The following PTPRD variants were observed in gnomAD, a reference collection of about 807,000 sequenced individuals.
PTPRD encodes protein tyrosine phosphatase receptor type D.
In PTPRD, 34 loss-of-function variants were observed where a neutral mutation model predicts 214.5. That is an observed-to-expected ratio of 0.16 (90% CI 0.12 to 0.21). The LOEUF (loss-of-function observed/expected upper bound fraction) is 0.21. Ranked by LOEUF, PTPRD falls within the 10% of genes least tolerant of loss-of-function variation. PTPRD has a pLI of 1.00. For synonymous variants in PTPRD, 1,128 were observed against 845.7 expected, an observed-to-expected ratio of 1.33 and a Z score of -5.79; for missense variants, 2,545 against 2,398.7, an observed-to-expected ratio of 1.06 and a Z score of -1.27.
chr9:8,339,396 C>T (rs539059204), intron 42 of PTPRD, among the ~76,000 whole-genome samples: 1 of 152,212 alleles, frequency 6.6e-6, no homozygotes, highest in Non-Finnish European at 1.5e-5. Flanking sequence ...CAATGCTGGC[C>T]ATGACAATAA....
intron 5 of PTPRD, among the ~76,000 whole-genome samples, chr9:9,923,269 T>G (rs1214743363): frequency 1.3e-5 from 2 of 149,538 alleles, no homozygotes; most frequent in Non-Finnish European, 3.0e-5. Flanking sequence ...TCAAATAAAA[T>G]ATTGTAATGA....
At chr9:10,479,287 T>C (rs1015145833) in intron 2 of PTPRD, among the ~76,000 whole-genome samples, 2 of 152,118 alleles carry the variant, frequency 1.3e-5, no homozygotes, top group African/African-American at 4.8e-5. Flanking sequence ...TACTTGTGTG[T>C]CATGTGCAGA....
intron 3 of PTPRD, among the ~76,000 whole-genome samples, chr9:10,219,124 T>A (rs547077750): frequency 6.6e-6 from 1 of 151,790 alleles, no homozygotes; most frequent in Non-Finnish European, 1.5e-5. Flanking sequence ...TAGAAAGGAC[T>A]GACGGGGGAT....
intron 9 of PTPRD, among the ~76,000 whole-genome samples, chr9:9,347,321 AAT>A (rs914411519): frequency 2.5e-4 from 38 of 149,104 alleles, no homozygotes; most frequent in African/African-American, 4.2e-4. Flanking sequence ...TATATATATA[AAT>A]ATATATATAT....
chr9:10,391,478 G>T (rs2098064234), intron 2 of PTPRD, among the ~76,000 whole-genome samples: 1 of 151,772 alleles, frequency 6.6e-6, no homozygotes, highest in Non-Finnish European at 1.5e-5. Context: ...AGGAATGGCT[G>T]ACAGTACTAG....
chr9:8,977,184 C>G (rs2099272566), intron 11 of PTPRD, among the ~76,000 whole-genome samples: 1 of 152,018 alleles, frequency 6.6e-6, no homozygotes, highest in Admixed American at 6.6e-5. Flanking sequence ...AAAATTCGGG[C>G]CTCTATTAGT....
intron 36 of PTPRD, among the ~76,000 whole-genome samples, chr9:8,389,907 A>C (rs890221015): frequency 6.6e-6 from 1 of 152,204 alleles, no homozygotes; most frequent in African/African-American, 2.4e-5. Flanking sequence ...ACAACTCTGC[A>C]GTAAGTCCTG....
chr9:9,927,132 C>T (rs1450080112), intron 5 of PTPRD, among the ~76,000 whole-genome samples: 1 of 152,060 alleles, frequency 6.6e-6, no homozygotes, highest in East Asian at 1.9e-4. Flanking sequence ...TATACTTAAC[C>T]AGTATAAAAT....
At chr9:8,487,325 T>C (rs915616133) in intron 27 of PTPRD, among the ~76,000 whole-genome samples, 2 of 152,230 alleles carry the variant, frequency 1.3e-5, no homozygotes, top group East Asian at 1.9e-4. Flanking sequence ...ACTCATTCAA[T>C]GTATTATTAT....
chr9:8,727,134 C>G (rs1317746481), intron 12 of PTPRD, among the ~76,000 whole-genome samples: 1 of 152,168 alleles, frequency 6.6e-6, no homozygotes, highest in Non-Finnish European at 1.5e-5. Context: ...AATTAGTTCA[C>G]AAATACTGTT....
At chr9:8,847,689 T>C (rs2097725545) in intron 11 of PTPRD, among the ~76,000 whole-genome samples, 1 of 152,138 alleles carries the variant, frequency 6.6e-6, no homozygotes. Flanking sequence ...AAAATCATAA[T>C]CAGAAATAGT....
At chr9:8,722,859 T>C (rs1337346401) in intron 12 of PTPRD, among the ~76,000 whole-genome samples, 9 of 152,226 alleles carry the variant, frequency 5.9e-5, no homozygotes, top group Non-Finnish European at 1.3e-4. Flanking sequence ...TTTGTGCTTT[T>C]ATTTACCAAA....
In PTPRD at chr9:8,803,154, T is replaced by C. The variant is rs116301776; in HGVS notation, c.-103-69208A>G. On this transcript the variant is annotated intron_variant, in intron 11 of 45. Transcript: ENST00000381196. ...ACACAAGATAACGCATGTAAAGCAA[T>C]TGACACATAGTCATCTTATAGCCAA... is the stretch of plus-strand genomic sequence containing the variant. Among the ~76,000 whole-genome samples, 1,058 of 152,290 alleles carry C rather than the reference T, an allele frequency of 6.9e-3. 8 individuals are homozygous for C. Among genetic ancestry groups the C allele is most frequent in the African/African-American group, 0.023 (958 of 41,564 alleles).
chr9:10,401,703 C>T (rs1473230835), intron 2 of PTPRD, among the ~76,000 whole-genome samples: 1 of 149,328 alleles, frequency 6.7e-6, no homozygotes, highest in Non-Finnish European at 1.5e-5. Context: ...AAATGGCATT[C>T]AGATATAAAA....
intron 7 of PTPRD, among the ~76,000 whole-genome samples, chr9:9,602,710 T>A (rs1211714016): frequency 6.6e-6 from 1 of 152,096 alleles, no homozygotes; most frequent in Non-Finnish European, 1.5e-5. Flanking sequence ...GTTTCTCTAG[T>A]GTTACTCTAT....
chr9:8,381,116 T>C (rs1454227050), intron 37 of PTPRD, among the ~76,000 whole-genome samples: 2 of 152,266 alleles, frequency 1.3e-5, no homozygotes, highest in African/African-American at 4.8e-5. Context: ...TAAAAGTGAC[T>C]CTAAATTCGT....
intron 14 of PTPRD, among the ~76,000 whole-genome samples, chr9:8,554,045 G>A (rs1006803632): frequency 3.9e-5 from 6 of 152,058 alleles, no homozygotes; most frequent in Admixed American, 2.0e-4. Context: ...AAAATTAGCC[G>A]GGCGTGGTAT....
At chr9:8,931,789 G>A (rs1292934795) in intron 11 of PTPRD, among the ~76,000 whole-genome samples, 1 of 152,028 alleles carries the variant, frequency 6.6e-6, no homozygotes, top group Non-Finnish European at 1.5e-5. Flanking sequence ...GAATCTGTCT[G>A]GTCCTGGTTT....
intron 4 of PTPRD, among the ~76,000 whole-genome samples, chr9:9,955,969 TG>T (rs535343357): frequency 7.9e-5 from 12 of 151,998 alleles, no homozygotes; most frequent in Non-Finnish European, 1.0e-4. Context: ...ACAGGAGTGG[TG>T]GGGGGGATCT....
Sources: allele counts gnomAD v4.1 joint callset (sites outside exome capture counted in the v4.1 genomes callset), GRCh38; gene constraint gnomAD v4.1.1; transcripts MANE v1.5; gene names NCBI Gene and HGNC (gene_info 2026-07-23, HGNC 2026-07-21).